PDZD2: variants seen among roughly 807,000 people sequenced by gnomAD.
The protein encoded by PDZD2 is PDZ domain containing 2, also known as PDZ domain-containing protein 2.
In PDZD2, 90 loss-of-function variants were observed where a neutral mutation model predicts 220.7. That is an observed-to-expected ratio of 0.41 (90% CI 0.34 to 0.49). The LOEUF (loss-of-function observed/expected upper bound fraction) is 0.49. PDZD2 is among the 20% of genes least tolerant of loss of function. The pLI is 0.28. For missense variants in PDZD2, 3,174 were observed against 3,608.5 expected (o/e 0.88, Z 3.08); for synonymous variants, 1,375 against 1,450.5 (o/e 0.95, Z 1.18).
At chr5:31,980,043 G>GT (rs937231907) in intron 2 of PDZD2, among the ~76,000 whole-genome samples, 3 of 152,206 alleles carry the variant, frequency 2.0e-5, no homozygotes, top group Non-Finnish European at 4.4e-5. Context: ...TATGTTCACT[G>GT]TTTTTTAAAA....
chr5:31,964,476 C>A (rs1013004548), intron 2 of PDZD2, among the ~76,000 whole-genome samples: 8 of 152,172 alleles, frequency 5.3e-5, no homozygotes, highest in Admixed American at 3.9e-4. Flanking sequence ...GAGTCCTAAT[C>A]GGAAGGGGCC....
At chr5:31,862,777 G>T (rs1487316761) in intron 2 of PDZD2, among the ~76,000 whole-genome samples, 1 of 152,124 alleles carries the variant, frequency 6.6e-6, no homozygotes, top group South Asian at 2.1e-4. Flanking sequence ...GCCCAGGCTG[G>T]AGTGCAGTGG....
At chr5:31,742,689 G>C (rs986331249) in intron 1 of PDZD2, among the ~76,000 whole-genome samples, 1 of 152,168 alleles carries the variant, frequency 6.6e-6, no homozygotes, top group Non-Finnish European at 1.5e-5. Context: ...AACTTGCAGA[G>C]CCATAACTTG....
At chr5:31,740,086 C>A (rs35151091) in intron 1 of PDZD2, among the ~76,000 whole-genome samples, 18,346 of 152,176 alleles carry the variant, frequency 0.12, 1,352 homozygotes, top group East Asian at 0.18. Context: ...GGCTGGACCA[C>A]TTCCACCTCT....
chr5:32,089,727 G>A lies in PDZD2; in HGVS notation c.6279G>A (p.Val2093=), dbSNP rs1396942330. ...RLERTNQLKI[V]EISAEAVSET... is the part of the protein sequence containing the mutation. ...AAAGAACAAACCAGCTGAAAATCGT[G>A]GAGATTTCTGCTGAAGCAGTGTCAG... The change falls in exon 20 of 25, where the codon GTG becomes GTA. Residue 2093 remains valine (V), a synonymous_variant. Transcript: ENST00000438447. The A allele has an allele frequency of 2.5e-6, 4 of 1,614,054 alleles. No individual in the cohort carries two copies. The African/African-American group carries it at 5.3e-5, about 22-fold the overall frequency.
In PDZD2 at chr5:31,810,512, A is replaced by C. The variant is rs775002476; in HGVS notation, c.476+10788A>C. Among the ~76,000 whole-genome samples, 58 of 152,192 alleles carry C rather than the reference A, an allele frequency of 3.8e-4. 1 individual carries two copies. The highest frequency in any genetic ancestry group is 6.8e-3 in the Middle Eastern group (2 of 292). On this transcript the variant is annotated intron_variant, in intron 2 of 24. Transcript: ENST00000438447. ...GATCTCCTGACCTTGTGATCCGCCC[A>C]CCTTGGCCTCCCAAAGTGCTGGGAT... is the stretch of plus-strand genomic sequence containing the variant.
intron 1 of PDZD2, among the ~76,000 whole-genome samples, chr5:31,706,989 G>C (rs1003528729): frequency 1.3e-5 from 2 of 151,998 alleles, no homozygotes; most frequent in Non-Finnish European, 2.9e-5. Context: ...GGGCTTTTAA[G>C]GAGGTAATTA....
chr5:31,710,700 C>G (rs1748048828), intron 1 of PDZD2, among the ~76,000 whole-genome samples: 1 of 152,016 alleles, frequency 6.6e-6, no homozygotes, highest in African/African-American at 2.4e-5. Flanking sequence ...GCCTGTAATC[C>G]TAGCTACTCA....
intron 2 of PDZD2, among the ~76,000 whole-genome samples, chr5:31,832,829 A>G (rs7715149): frequency 0.37 from 56,080 of 152,046 alleles, 10,509 homozygotes; most frequent in African/African-American, 0.41. Flanking sequence ...AAAAATTAAA[A>G]TGGTCAATTT....
At chr5:31,702,685 A>T (rs1747655733) in intron 1 of PDZD2, among the ~76,000 whole-genome samples, 1 of 152,224 alleles carries the variant, frequency 6.6e-6, no homozygotes, top group South Asian at 2.1e-4. Flanking sequence ...ATAGGCCAAG[A>T]TTATCTCGAA....
chr5:31,657,909 T>TC (rs1390859484), intron 1 of PDZD2, among the ~76,000 whole-genome samples: 2 of 152,192 alleles, frequency 1.3e-5, no homozygotes, highest in African/African-American at 4.8e-5. Context: ...TCCTACTCTT[T>TC]CCAGCCCATA....
At chr5:31,861,755 C>T (rs965296653) in intron 2 of PDZD2, among the ~76,000 whole-genome samples, 1 of 152,122 alleles carries the variant, frequency 6.6e-6, no homozygotes, top group Non-Finnish European at 1.5e-5. Context: ...TGGTTTCTTC[C>T]GTCTTCCACC....
At chr5:31,653,951 A>G (rs543162803) in intron 1 of PDZD2, among the ~76,000 whole-genome samples, 88 of 152,036 alleles carry the variant, frequency 5.8e-4, no homozygotes, top group African/African-American at 2.0e-3. Flanking sequence ...CACTCAGCTA[A>G]TTTTTTATAT....
At chr5:32,046,203 A>G (rs1737943440) in intron 7 of PDZD2, among the ~76,000 whole-genome samples, 1 of 152,208 alleles carries the variant, frequency 6.6e-6, no homozygotes, top group Non-Finnish European at 1.5e-5. Flanking sequence ...TAGACTAGGT[A>G]TTGATAAAGT....
At chr5:31,958,443 G>A (rs1297967756) in intron 2 of PDZD2, among the ~76,000 whole-genome samples, 1 of 151,954 alleles carries the variant, frequency 6.6e-6, no homozygotes, top group African/African-American at 2.4e-5. Context: ...TAGTAGAGAT[G>A]GGGTTTCATC....
chr5:31,730,091 G>A (rs1389204801), intron 1 of PDZD2, among the ~76,000 whole-genome samples: 1 of 152,186 alleles, frequency 6.6e-6, no homozygotes, highest in Non-Finnish European at 1.5e-5. Context: ...GCCTCCCAAA[G>A]TGCTGGGATT....
intron 1 of PDZD2, among the ~76,000 whole-genome samples, chr5:31,662,092 C>CCTGAGGTTAGGAGTTCGTGACCAGCCT (rs901962794): frequency 6.6e-6 from 1 of 152,026 alleles, no homozygotes; most frequent in African/African-American, 2.4e-5. Flanking sequence ...GGGCAGATCA[C>CCTGAGGTTAGGAGTTCGTGACCAGCCT]CTGAGGTTAG....
At chr5:31,738,747 T>C (rs1473785859) in intron 1 of PDZD2, 2 of 152,168 alleles carry the variant, frequency 1.3e-5, no homozygotes, top group Admixed American at 6.5e-5. Flanking sequence ...AAAAGCTTCA[T>C]TGGGAAGAAC....
intron 2 of PDZD2, among the ~76,000 whole-genome samples, chr5:31,872,385 T>G (rs1738901858): frequency 6.6e-6 from 1 of 151,946 alleles, no homozygotes; most frequent in South Asian, 2.1e-4. Flanking sequence ...TCCATGGGAG[T>G]GTGGACATGC....
Sources: gnomAD v4.1 joint callset for allele counts (sites outside exome capture counted in the v4.1 genomes callset) on GRCh38, gnomAD v4.1.1 for gene constraint, MANE v1.5 for transcripts, NCBI Gene and HGNC (gene_info 2026-07-23, HGNC 2026-07-21) for gene names.